FAM162B: variants seen among roughly 807,000 people sequenced by gnomAD.
FAM162B encodes family with sequence similarity 162 member B.
In FAM162B, 16 loss-of-function variants were observed where a neutral mutation model predicts 20.0. The observed-to-expected ratio is 0.80, with a 90% CI of 0.54 to 1.21. FAM162B has a LOEUF of 1.21. Ranked by LOEUF, FAM162B falls within the 50% of genes most tolerant of loss-of-function variation. The probability of loss-of-function intolerance (pLI) is 0.00; values close to 1 mark genes in which losing one functional copy is unlikely to be tolerated. For synonymous variants in FAM162B, 83 were observed against 89.7 expected (o/e 0.93, Z 0.42); for missense variants, 260 against 227.5 (o/e 1.14, Z -0.92).
intron 2 of FAM162B, among the ~76,000 whole-genome samples, chr6:116,764,558 C>T (rs934097695): frequency 6.6e-6 from 1 of 151,972 alleles, no homozygotes; most frequent in Non-Finnish European, 1.5e-5. Flanking sequence ...GCTGAAGAGG[C>T]CCACAGTGCT....
At chr6:116,762,598 G>T (rs1771816222) in intron 2 of FAM162B, among the ~76,000 whole-genome samples, 1 of 151,896 alleles carries the variant, frequency 6.6e-6, no homozygotes, top group African/African-American at 2.4e-5. Flanking sequence ...CAGCTTGTGA[G>T]AATGTCTGTT....
rs755620275 is a variant in FAM162B at position 116,762,054 on chromosome 6, C to T, written c.313G>A (p.Ala105Thr). ...ATTATGTAACAAGCTTTCACTCGAG[C>T]TTTGTTTCTTGCGGTGTCTATCATT... ...PEMIDTARNK[A>T]RVKACYIMIG... Residue 105 changes from alanine to threonine, a missense_variant, in exon 3 of 4, where the codon GCT (alanine) becomes ACT (threonine). Physicochemically the swap from Ala to Thr is moderately conservative, Grantham distance 58 (BLOSUM62 0). Transcript: ENST00000368557. The T allele has an allele frequency of 8.2e-6, 13 of 1,594,514 alleles. No homozygotes were observed. In the South Asian group the frequency reaches 1.4e-4, roughly 17 times the overall value.
Position 116,765,584 on chromosome 6 carries a change from G to A in FAM162B, c.-8C>T. 1 of 1,324,540 alleles carries A rather than the reference G, an allele frequency of 7.5e-7. No homozygotes were observed. Among genetic ancestry groups the A allele is most frequent in the Non-Finnish European group, 9.6e-7 (1 of 1,044,542 alleles). 82.0% of individuals were successfully genotyped at this position (1,324,540 alleles called of 1,614,324 possible). A position where few individuals can be genotyped will look rare whatever the true frequency, so the allele number is the denominator to read the frequency against. ...CCCGACCGCCCTGAGCATGCTGCCC[G>A]CTTGTCCCGCGCCGCACCCGCACCT... On this transcript the variant is annotated 5_prime_UTR_variant, in exon 1 of 4. Transcript: ENST00000368557.
intron 2 of FAM162B, 91 bp downstream of exon 2, chr6:116,765,056 G>A (rs1771881182): frequency 3.2e-6 from 4 of 1,251,524 alleles, no homozygotes; most frequent in Middle Eastern, 1.9e-4. Flanking sequence ...GGCCGCTTTC[G>A]CTCCTAGGTG....
chr6:116,752,733 TAGATAC>T, intron 3 of FAM162B, 38 bp from the exon 4 acceptor site: 4 of 529,690 alleles, frequency 7.6e-6, no homozygotes, highest in South Asian at 4.7e-5. Context: ...TATATATATA[TAGATAC>T]ACGTATATAT....
intron 2 of FAM162B, among the ~76,000 whole-genome samples, chr6:116,764,842 C>T (rs1771877600): frequency 6.6e-6 from 1 of 152,228 alleles, no homozygotes; most frequent in African/African-American, 2.4e-5. Context: ...GGCACAAGAG[C>T]CCCACTGCCT....
chr6:116,761,444 TAG>T (rs1163689004), intron 3 of FAM162B, among the ~76,000 whole-genome samples: 1 of 151,966 alleles, frequency 6.6e-6, no homozygotes, highest in Non-Finnish European at 1.5e-5. Context: ...ATGAATGATC[TAG>T]TCTGGATAAC....
chr6:116,763,240 C>T (rs1771833739), intron 2 of FAM162B, among the ~76,000 whole-genome samples: 1 of 151,994 alleles, frequency 6.6e-6, no homozygotes, highest in Non-Finnish European at 1.5e-5. Flanking sequence ...TCTTTTTTAC[C>T]CAGCCATTTG....
chr6:116,756,750 C>T (rs372169279), intron 3 of FAM162B, among the ~76,000 whole-genome samples: 1 of 152,230 alleles, frequency 6.6e-6, no homozygotes, highest in African/African-American at 2.4e-5. Context: ...CAGCAGCCAT[C>T]AACATCAAAG....
intron 2 of FAM162B, 47 bp downstream of exon 2, chr6:116,765,100 T>G (rs1211899248): frequency 6.3e-7 from 1 of 1,590,708 alleles, no homozygotes; most frequent in Non-Finnish European, 8.6e-7. Context: ...CCCGCACCCT[T>G]GCGGCCGGGG....
At chr6:116,761,046 G>A (rs1273233604) in intron 3 of FAM162B, among the ~76,000 whole-genome samples, 1 of 152,192 alleles carries the variant, frequency 6.6e-6, no homozygotes, top group Non-Finnish European at 1.5e-5. Flanking sequence ...AGTTGCAGGT[G>A]CCACGATGAG....
At position 116,752,386 on chromosome 6, in the gene FAM162B, T is replaced by C; in HGVS notation, c.*211A>G. ...CACAGGTGTTCACGACATAAATATC[T>C]ATCAGACTGTATACAGTTTTGTCCA... On this transcript the variant is annotated 3_prime_UTR_variant, in exon 4 of 4. Transcript: ENST00000368557. The C allele has an allele frequency of 9.7e-6, 2 of 205,544 alleles. No individual in the cohort carries two copies. Among genetic ancestry groups the C allele is most frequent in the Non-Finnish European group, 1.9e-5 (2 of 103,224 alleles). The allele number at this position is 205,544 out of a possible 1,614,324, so 12.7% of individuals were successfully genotyped here.
At chr6:116,761,513 T>C (rs913381348) in intron 3 of FAM162B, among the ~76,000 whole-genome samples, 5 of 151,820 alleles carry the variant, frequency 3.3e-5, no homozygotes, top group African/African-American at 1.2e-4. Context: ...TAAATTGTTT[T>C]GTTTATAAGT....
chr6:116,762,489 G>GT (rs200063559), intron 2 of FAM162B, among the ~76,000 whole-genome samples: 5 of 103,306 alleles, frequency 4.8e-5, no homozygotes, highest in African/African-American at 1.9e-4. Flanking sequence ...CATTTGAACA[G>GT]TTTTTTTTTT....
intron 3 of FAM162B, among the ~76,000 whole-genome samples, chr6:116,759,716 C>A (rs1328286862): frequency 1.3e-5 from 2 of 152,118 alleles, no homozygotes; most frequent in Non-Finnish European, 2.9e-5. Context: ...TTTTTAAAAA[C>A]CTGAACTATT....
At position 116,752,731 on chromosome 6, in the gene FAM162B, T is replaced by TATATATATATATATATAGATAG. The variant is rs1554259842; in HGVS notation, c.391-37_391-36insCTATCTATATATATATATATAT. The TATATATATATATATATAGATAG allele has an allele frequency of 4.3e-5, 19 of 442,390 alleles. No individual in the cohort carries two copies. The African/African-American group carries it at 5.1e-4, about 12-fold the overall frequency. 27.4% of individuals were successfully genotyped at this position (442,390 alleles called of 1,614,324 possible). On this transcript the variant is annotated intron_variant, in intron 3 of 3. Coordinates refer to ENST00000368557, the MANE Select transcript of FAM162B (RefSeq NM_001085480.3). ...GAAGAAATATATATATATATATATA[T>TATATATATATATATATAGATAG]ATAGATACACGTATATATATATATA...
At chr6:116,761,711 T>C (rs1780145992) in intron 3 of FAM162B, among the ~76,000 whole-genome samples, 1 of 145,944 alleles carries the variant, frequency 6.9e-6, no homozygotes, top group Non-Finnish European at 1.5e-5. Context: ...CTTATATATA[T>C]ACTTGTATAT....
intron 3 of FAM162B, among the ~76,000 whole-genome samples, chr6:116,757,525 C>T (rs921484515): frequency 5.9e-5 from 9 of 152,034 alleles, no homozygotes; most frequent in Non-Finnish European, 1.0e-4. Flanking sequence ...GCAGGAGGAT[C>T]GCTTTGAGTT....
chr6:116,759,295 C>CTTTTTT (rs1189230762), intron 3 of FAM162B, among the ~76,000 whole-genome samples: 1 of 141,542 alleles, frequency 7.1e-6, no homozygotes, highest in African/African-American at 2.8e-5. Context: ...TCTAATCTTT[C>CTTTTTT]TTTCTTTTTT....
Sources: gnomAD v4.1 joint callset for allele counts (sites outside exome capture counted in the v4.1 genomes callset) on GRCh38, gnomAD v4.1.1 for gene constraint, MANE v1.5 for transcripts, NCBI Gene and HGNC (gene_info 2026-07-23, HGNC 2026-07-21) for gene names.